The following BIRC6 variants were observed in gnomAD, a reference collection of about 807,000 sequenced individuals.
BIRC6 encodes the protein baculoviral IAP repeat containing 6.
BIRC6 carries 98 observed loss-of-function variants against 503.3 expected under a neutral mutation model. That is an observed-to-expected ratio of 0.19 (90% CI 0.17 to 0.23). BIRC6 has a LOEUF of 0.23. Ranked by LOEUF, BIRC6 falls within the 10% of genes least tolerant of loss-of-function variation. The probability of loss-of-function intolerance (pLI) is 1.00; values close to 1 mark genes in which losing one functional copy is unlikely to be tolerated. For synonymous variants in BIRC6, 2,240 were observed against 2,078.7 expected (o/e 1.08, Z -2.11); for missense variants, 5,360 against 5,806.0 (o/e 0.92, Z 2.50).
Position 32,449,944 on chromosome 2 carries a change from G to A in BIRC6, c.4618+1016G>A, listed in dbSNP as rs185251965. Among the ~76,000 whole-genome samples the A allele has an allele frequency of 2.6e-5, 4 of 152,196 alleles. No homozygotes were observed. The East Asian group carries it at 7.7e-4, about 29-fold the overall frequency. ...ACTTAGGCTCTTGATTGCCTTACAC[G>A]CATCTCACCATTTTCTGTCTTCTCT... On this transcript the variant is annotated intron_variant, in intron 22 of 73. Coordinates refer to ENST00000421745, the MANE Select transcript of BIRC6 (RefSeq NM_016252.4).
At chr2:32,377,385 A>ATT (rs2036964272) in intron 1 of BIRC6, among the ~76,000 whole-genome samples, 1 of 152,092 alleles carries the variant, frequency 6.6e-6, no homozygotes, top group South Asian at 2.1e-4. Context: ...AATTTTAGTA[A>ATT]TTTCACATTG....
At position 32,508,231 on chromosome 2, in the gene BIRC6, C is replaced by T. The variant is rs1211095131; in HGVS notation, c.9952C>T (p.Pro3318Ser). The T allele has an allele frequency of 1.9e-6, 3 of 1,598,150 alleles. No homozygotes were observed. Among genetic ancestry groups the T allele is most frequent in the Non-Finnish European group, 2.6e-6 (3 of 1,173,644 alleles). ...TGCAACAGTTAATAATCCATTCCTT[C>T]CATCTGAAGATCAGGTATCCAAAAC... ...SSATVNNPFL[P>S]SEDQVSKTSI... Residue 3318 changes from proline to serine, a missense_variant, in exon 51 of 74, where the codon CCA becomes TCA. Coordinates refer to ENST00000421745, the MANE Select transcript of BIRC6 (RefSeq NM_016252.4).
At chr2:32,367,473 A>C (rs142798974) in intron 1 of BIRC6, among the ~76,000 whole-genome samples, 25 of 152,028 alleles carry the variant, frequency 1.6e-4, no homozygotes, top group South Asian at 1.0e-3. Flanking sequence ...CAAAAAAAAA[A>C]CAAAAAAACG....
chr2:32,589,447 T>G (rs1422039267), intron 66 of BIRC6, among the ~76,000 whole-genome samples: 1 of 152,180 alleles, frequency 6.6e-6, no homozygotes, highest in Non-Finnish European at 1.5e-5. Flanking sequence ...CTCTTTTATT[T>G]TAACCCCCAT....
intron 1 of BIRC6, among the ~76,000 whole-genome samples, chr2:32,359,768 T>C (rs1224629279): frequency 1.3e-5 from 2 of 152,132 alleles, no homozygotes; most frequent in Non-Finnish European, 1.5e-5. Context: ...GGGGTTTTGC[T>C]GTGTTGCCCA....
chr2:32,527,955 A>C (rs769386126), intron 59 of BIRC6: 1 of 152,204 alleles, frequency 6.6e-6, no homozygotes, highest in Non-Finnish European at 1.5e-5. Flanking sequence ...GTGCATTAAC[A>C]ACAGAATGAA....
chr2:32,466,437 A>G (rs1429154680), intron 26 of BIRC6, among the ~76,000 whole-genome samples: 2 of 152,196 alleles, frequency 1.3e-5, no homozygotes, highest in South Asian at 2.1e-4. Flanking sequence ...TTTGAGATCC[A>G]TTAGAGGACC....
intron 70 of BIRC6, among the ~76,000 whole-genome samples, chr2:32,602,305 A>C (rs1267654488): frequency 6.6e-6 from 1 of 152,236 alleles, no homozygotes; most frequent in Non-Finnish European, 1.5e-5. Context: ...GCCTGGTGGG[A>C]CATTATGTTA....
At position 32,464,547 on chromosome 2, in the gene BIRC6, T is replaced by C. The variant is rs770289994; in HGVS notation, c.4980T>C (p.Ala1660=). 1 of 1,595,598 alleles carries C rather than the reference T, an allele frequency of 6.3e-7. No homozygotes were observed. The highest frequency in any genetic ancestry group is 1.8e-5 in the Admixed American group (1 of 55,894). Residue 1660 remains alanine, a synonymous_variant, in exon 25 of 74, where the codon GCT becomes GCC. Coordinates refer to ENST00000421745, the MANE Select transcript of BIRC6 (RefSeq NM_016252.4). ...AAGCCAAGTTACATCAGACAACAGC[T>C]GCAGCAGCTGCAGCAGCATCAGCAG... The part of the protein sequence containing the change: ...KLEAKLHQTT[A]AAAAAASAVG...
At chr2:32,439,803 G>A in intron 16 of BIRC6, 117 bp downstream of exon 16, 1 of 894,222 alleles carries the variant, frequency 1.1e-6, no homozygotes, top group African/African-American at 1.7e-5. Context: ...CGCTTGGTTT[G>A]TTTGTATTTT....
In BIRC6 at chr2:32,503,143, G is replaced by C; in HGVS notation, c.9406G>C (p.Gly3136Arg). The part of the protein sequence containing the change: ...VSTIMKFLDS[G>R]PNKAVDSTLK... ...AACTATTATGAAATTTCTTGACTCT[G>C]GTCCAAATAAAGCTGTTGACAGCAC... is the stretch of plus-strand genomic sequence containing the variant. The change falls in exon 49 of 74, where the codon GGT becomes CGT. Residue 3136 changes from glycine (G) to arginine (R), a missense_variant. Physicochemically the swap from Gly to Arg is moderately radical, Grantham distance 125 (BLOSUM62 -2). Transcript: ENST00000421745. 6.2e-7 allele frequency: 1 copy of C among 1,612,352 alleles called. No individual in the cohort carries two copies. Among genetic ancestry groups the C allele is most frequent in the Non-Finnish European group, 8.5e-7 (1 of 1,179,138 alleles).
intron 3 of BIRC6, among the ~76,000 whole-genome samples, chr2:32,384,190 C>T (rs561170968): frequency 6.6e-6 from 1 of 152,146 alleles, no homozygotes; most frequent in East Asian, 1.9e-4. Context: ...GTGGGCATGC[C>T]CAGAGAAACT....
intron 5 of BIRC6, among the ~76,000 whole-genome samples, chr2:32,395,075 C>G (rs2039711803): frequency 6.6e-6 from 1 of 152,144 alleles, no homozygotes; most frequent in South Asian, 2.1e-4. Flanking sequence ...TCGCTTGAAC[C>G]CGGGGAGGTG....
intron 53 of BIRC6, among the ~76,000 whole-genome samples, chr2:32,512,206 A>G (rs999737270): frequency 6.6e-6 from 1 of 152,208 alleles, no homozygotes; most frequent in African/African-American, 2.4e-5. Flanking sequence ...CAGAATTAGT[A>G]TTATATACCT....
chr2:32,434,202 A>ATT (rs1483539387), intron 13 of BIRC6, among the ~76,000 whole-genome samples: 3 of 152,148 alleles, frequency 2.0e-5, no homozygotes, highest in African/African-American at 7.2e-5. Flanking sequence ...AAATACACTC[A>ATT]TTTTTATCTT....
At chr2:32,362,482 AT>A (rs1402467572) in intron 1 of BIRC6, among the ~76,000 whole-genome samples, 3 of 150,358 alleles carry the variant, frequency 2.0e-5, no homozygotes, top group Non-Finnish European at 3.0e-5. Context: ...GACCCGGCTA[AT>A]TTTTTTTTGT....
At chr2:32,524,822 AC>A in intron 57 of BIRC6, 65 bp from the exon 58 acceptor site, 1 of 1,094,888 alleles carries the variant, frequency 9.1e-7, no homozygotes. Flanking sequence ...TCCCTCTGAA[AC>A]ATATATTACT....
intron 47 of BIRC6, among the ~76,000 whole-genome samples, chr2:32,502,204 T>C (rs545829912): frequency 2.1e-4 from 32 of 152,300 alleles, no homozygotes; most frequent in Admixed American, 5.9e-4. Flanking sequence ...GTGTTCTCCA[T>C]AGATGTTATG....
At chr2:32,500,174 A>G (rs926716710) in intron 46 of BIRC6, 65 bp downstream of exon 46, 4 of 1,359,606 alleles carry the variant, frequency 2.9e-6, no homozygotes, top group Non-Finnish European at 3.0e-6. Context: ...TTTTTAAGCA[A>G]TATATGGATT....
Sources: gnomAD v4.1 joint callset for allele counts (sites outside exome capture counted in the v4.1 genomes callset) on GRCh38, gnomAD v4.1.1 for gene constraint, MANE v1.5 for transcripts, NCBI Gene and HGNC (gene_info 2026-07-23, HGNC 2026-07-21) for gene names.